The following USP6NL variants were observed in gnomAD, a reference collection of about 807,000 sequenced individuals.
USP6NL encodes the protein USP6 N-terminal like.
A neutral mutation model predicts 61.9 loss-of-function variants in USP6NL; 26 were observed. The ratio of observed to expected loss-of-function variants is 0.42; its 90% confidence interval spans 0.31 to 0.58. The LOEUF is 0.58. USP6NL is among the 20% of genes least tolerant of loss of function. USP6NL has a pLI of 0.16. For synonymous variants in USP6NL, 432 were observed against 390.1 expected (o/e 1.11, Z -1.27); for missense variants, 1,114 against 1,034.3 (o/e 1.08, Z -1.06).
At chr10:11,546,260 A>G (rs917664843) in intron 2 of USP6NL, among the ~76,000 whole-genome samples, 1 of 152,244 alleles carries the variant, frequency 6.6e-6, no homozygotes, top group Non-Finnish European at 1.5e-5. Context: ...GGTAAACTAT[A>G]AACTGTTTCT....
intron 2 of USP6NL, among the ~76,000 whole-genome samples, chr10:11,545,300 G>A (rs2133468232): frequency 6.6e-6 from 1 of 152,216 alleles, no homozygotes; most frequent in Admixed American, 6.5e-5. Flanking sequence ...CAGCCTTTCT[G>A]GGGAGAATGT....
In USP6NL at chr10:11,468,992, A is replaced by C. The variant is rs1832606434; in HGVS notation, c.1079-5143T>G. On this transcript the variant is annotated intron_variant, in intron 14 of 14. Coordinates refer to ENST00000609104, the MANE Select transcript of USP6NL (RefSeq NM_014688.5). The surrounding 1 kb of genome is among the most constrained non-coding windows in gnomAD (Gnocchi z 4.5). ...AAATATTTACCTTATAATTAATTCT[A>C]CTTTATATTCCAGTAAACACAGAAA... 6.6e-6 allele frequency among the ~76,000 whole-genome samples: 1 copy of C among 152,228 alleles called. No homozygotes were observed. Among genetic ancestry groups the C allele is most frequent in the African/African-American group, 2.4e-5 (1 of 41,458 alleles).
chr10:11,475,966 C>T (rs975890822), intron 14 of USP6NL, among the ~76,000 whole-genome samples: 5 of 152,012 alleles, frequency 3.3e-5, no homozygotes, highest in Non-Finnish European at 7.4e-5. Context: ...ACACAGAACA[C>T]CAGGAAAGAA....
chr10:11,468,247 T>C lies in USP6NL; in HGVS notation c.1079-4398A>G, dbSNP rs1431939624. Among the ~76,000 whole-genome samples the C allele has an allele frequency of 1.3e-5, 2 of 152,238 alleles. No individual in the cohort carries two copies. Among genetic ancestry groups the C allele is most frequent in the African/African-American group, 4.8e-5 (2 of 41,468 alleles). ...AAAAAGTGGAACTACATTTTTCTTA[T>C]CGCTGCCCTTCAAACACCTGCTTGG... is the stretch of plus-strand genomic sequence containing the variant. On this transcript the variant is annotated intron_variant, in intron 14 of 14. Transcript: ENST00000609104. This position sits in a 1 kb window ranked among gnomAD's most constrained non-coding sequence, Gnocchi z 4.5.
intron 14 of USP6NL, among the ~76,000 whole-genome samples, chr10:11,471,867 C>A (rs1441827159): frequency 1.3e-5 from 2 of 151,284 alleles, no homozygotes; most frequent in Non-Finnish European, 2.9e-5. Context: ...AGGAGATATA[C>A]CTAATGTAAA....
chr10:11,545,455 G>A (rs531321264), intron 2 of USP6NL, among the ~76,000 whole-genome samples: 6 of 152,314 alleles, frequency 3.9e-5, no homozygotes, highest in East Asian at 3.9e-4. Context: ...TGAAGCTGCC[G>A]TGTTCCACCT....
chr10:11,602,450 G>A lies in USP6NL; in HGVS notation c.-83-4733C>T, dbSNP rs529922340. Among the ~76,000 whole-genome samples, 7 of 151,834 alleles carry A rather than the reference G, an allele frequency of 4.6e-5. No homozygotes were observed. Among genetic ancestry groups the A allele is most frequent in the Admixed American group, 2.6e-4 (4 of 15,268 alleles). ...ATAAATCTTACTATTCATTCATTCA[G>A]TATTTACCGAGTAGCTATTATGAGC... On this transcript the variant is annotated intron_variant, in intron 1 of 14. Transcript: ENST00000609104. This position sits in a 1 kb window ranked among gnomAD's most constrained non-coding sequence, Gnocchi z 4.8.
intron 2 of USP6NL, among the ~76,000 whole-genome samples, chr10:11,539,130 C>T (rs1369273897): frequency 3.3e-5 from 5 of 152,212 alleles, no homozygotes; most frequent in African/African-American, 1.2e-4. Flanking sequence ...TCACCTCCTG[C>T]TCTCTCTCAG....
chr10:11,542,889 G>C (rs1236598781), intron 2 of USP6NL, among the ~76,000 whole-genome samples: 1 of 152,098 alleles, frequency 6.6e-6, no homozygotes, highest in African/African-American at 2.4e-5. Context: ...AGGGCCCCGA[G>C]CTTCTAACAT....
At chr10:11,606,277 T>C (rs1320925806) in intron 1 of USP6NL, among the ~76,000 whole-genome samples, 1 of 152,166 alleles carries the variant, frequency 6.6e-6, no homozygotes, top group Non-Finnish European at 1.5e-5. Flanking sequence ...AGAATGTAGA[T>C]GAAATAAAGA....
chr10:11,551,716 A>G (rs535885782), intron 2 of USP6NL, among the ~76,000 whole-genome samples: 1 of 152,350 alleles, frequency 6.6e-6, no homozygotes, highest in South Asian at 2.1e-4. Context: ...TTTAACGTCT[A>G]TATAGTGTAG....
chr10:11,546,570 TG>T (rs1249917507), intron 2 of USP6NL, among the ~76,000 whole-genome samples: 1 of 72,002 alleles, frequency 1.4e-5, no homozygotes, highest in Non-Finnish European at 3.0e-5. Flanking sequence ...TCCGGCTAAT[TG>T]TTGTTGTTGT....
intron 10 of USP6NL, 143 bp from the exon 11 acceptor site, chr10:11,486,054 A>C (rs1420208367): frequency 1.8e-6 from 1 of 563,494 alleles, no homozygotes; most frequent in Non-Finnish European, 2.9e-6. Flanking sequence ...CTCCCCACCT[A>C]GGAAAAAACT....
chr10:11,539,157 C>A (rs978484631), intron 2 of USP6NL, among the ~76,000 whole-genome samples: 1 of 152,222 alleles, frequency 6.6e-6, no homozygotes, highest in African/African-American at 2.4e-5. Context: ...TCCCTGGGTG[C>A]AGCCTTCTGT....
intron 2 of USP6NL, chr10:11,573,530 A>G: frequency 2.5e-6 from 1 of 398,186 alleles, no homozygotes; most frequent in Non-Finnish European, 4.4e-6. Context: ...CCCTTTTTAT[A>G]GCACATCCTT....
Position 11,490,288 on chromosome 10 carries a change from A to T in USP6NL, c.543+544T>A, listed in dbSNP as rs1263505637. On this transcript the variant is annotated intron_variant, in intron 9 of 14. Transcript: ENST00000609104. The surrounding 1 kb of genome is among the most constrained non-coding windows in gnomAD (Gnocchi z 4.5). ...ACCCACATTAAGTCCAACACAAATT[A>T]ATCTATCCCAGATTATCTTCTCCCC... Among the ~76,000 whole-genome samples the T allele has an allele frequency of 1.3e-5, 2 of 152,200 alleles. No homozygotes were observed. The highest frequency in any genetic ancestry group is 2.9e-5 in the Non-Finnish European group (2 of 68,032).
In USP6NL at chr10:11,463,309, T is replaced by A. The variant is rs981085886; in HGVS notation, c.1619A>T (p.Glu540Val). The A allele has an allele frequency of 8.7e-6, 14 of 1,613,954 alleles. No homozygotes were observed. Among genetic ancestry groups the A allele is most frequent in the East Asian group, 4.5e-5 (2 of 44,884 alleles). Reference sequence around the variant, plus strand: ...TGCAGTGGAGCCCCGCTTCCCGTCCTCAGCATCCAGGGCCTTCATCTTTGG... The same window carrying A: ...TGCAGTGGAGCCCCGCTTCCCGTCCACAGCATCCAGGGCCTTCATCTTTGG... ...VRPKMKALDA[E>V]DGKRGSTASQ... is the part of the protein sequence containing the mutation. Residue 540 changes from glutamate to valine, a missense_variant, in exon 15 of 15, where the codon GAG (glutamate) becomes GTG (valine). By Grantham distance (121) the Glu-to-Val change is moderately radical. Transcript: ENST00000609104. This position sits in a 1 kb window ranked among gnomAD's most constrained non-coding sequence, Gnocchi z 6.3.
At position 11,532,094 on chromosome 10, in the gene USP6NL, T is replaced by G; in HGVS notation, c.5-4527A>C. ...AGGTTCATTTCCAATAAAATAAAAT[T>G]TACAGCAGACCATTTTTCCTAGAGT... is the stretch of plus-strand genomic sequence containing the variant. On this transcript the variant is annotated intron_variant, in intron 2 of 14. Coordinates refer to ENST00000609104, the MANE Select transcript of USP6NL (RefSeq NM_014688.5). The surrounding 1 kb of genome is among the most constrained non-coding windows in gnomAD (Gnocchi z 4.1). 1 of 1,010,846 alleles carries G rather than the reference T, an allele frequency of 9.9e-7. No individual in the cohort carries two copies. The highest frequency in any genetic ancestry group is 2.9e-5 in the Admixed American group (1 of 34,680). 62.6% of individuals were successfully genotyped at this position (1,010,846 alleles called of 1,614,324 possible). A position where few individuals can be genotyped will look rare whatever the true frequency, so the allele number is the denominator to read the frequency against.
In USP6NL at chr10:11,597,758, G is replaced by A; in HGVS notation, c.-83-41C>T. On this transcript the variant is annotated intron_variant, in intron 1 of 14. Transcript: ENST00000609104. This position sits in a 1 kb window ranked among gnomAD's most constrained non-coding sequence, Gnocchi z 4.6. Reference sequence around the variant, plus strand: ...AGAGAAAGAAATAGTATTTTCTAGAGGTCAATATTTAAAATAAAGTTTTCT... The same window carrying A: ...AGAGAAAGAAATAGTATTTTCTAGAAGTCAATATTTAAAATAAAGTTTTCT... 5 of 661,210 alleles carry A rather than the reference G, an allele frequency of 7.6e-6. No individual in the cohort carries two copies. Among genetic ancestry groups the A allele is most frequent in the South Asian group, 6.7e-5 (3 of 44,520 alleles). 41.0% of individuals were successfully genotyped at this position (661,210 alleles called of 1,614,324 possible). A position where few individuals can be genotyped will look rare whatever the true frequency, so the allele number is the denominator to read the frequency against.
Sources: allele counts gnomAD v4.1 joint callset (sites outside exome capture counted in the v4.1 genomes callset), GRCh38; gene constraint gnomAD v4.1.1; non-coding constraint Gnocchi (gnomAD v3.1); transcripts MANE v1.5; gene names NCBI Gene and HGNC (gene_info 2026-07-23, HGNC 2026-07-21).